NEGR1: variants seen among roughly 807,000 people sequenced by gnomAD.
NEGR1 encodes the protein IgLON family member 4.
Under a neutral mutation model 40.9 loss-of-function variants are expected in NEGR1, and 10 were observed. The observed-to-expected ratio is 0.24, with a 90% confidence interval of 0.15 to 0.42. The LOEUF (loss-of-function observed/expected upper bound fraction) is 0.42. Among genes scored for constraint, NEGR1 ranks in the 10% least tolerant of loss-of-function variants. The pLI is 1.00. For missense variants in NEGR1, 352 were observed against 438.9 expected (o/e 0.80, Z 1.77); for synonymous variants, 185 against 166.8 (o/e 1.11, Z -0.84).
At chr1:71,678,572 T>C (rs1189661373) in intron 4 of NEGR1, among the ~76,000 whole-genome samples, 1 of 152,144 alleles carries the variant, frequency 6.6e-6, no homozygotes, top group African/African-American at 2.4e-5. Context: ...CTAGTTTAAA[T>C]GGCTACACCA....
chr1:71,670,169 C>T (rs1442338275), intron 4 of NEGR1, among the ~76,000 whole-genome samples: 1 of 152,078 alleles, frequency 6.6e-6, no homozygotes, highest in Non-Finnish European at 1.5e-5. Context: ...TTTGCTTTAT[C>T]AGAGAGTATT....
intron 2 of NEGR1, among the ~76,000 whole-genome samples, chr1:71,884,407 C>T (rs1276520408): frequency 6.6e-6 from 1 of 152,154 alleles, no homozygotes; most frequent in Non-Finnish European, 1.5e-5. Context: ...TATCACTGTA[C>T]ATGTAGATCA....
Position 71,403,681 on chromosome 1 carries a change from T to A in NEGR1, c.*3765A>T. On this transcript the variant is annotated 3_prime_UTR_variant, in exon 7 of 7. Transcript: ENST00000357731. ...TAGCAGAAATATCTTCAAATTATTATTTCTTCCTTCTTTCTCTTAAGCTAA... is the reference window on the plus strand; with the variant it reads ...TAGCAGAAATATCTTCAAATTATTAATTCTTCCTTCTTTCTCTTAAGCTAA... The A allele has an allele frequency of 3.0e-6, 1 of 329,500 alleles. No homozygotes were observed. The highest frequency in any genetic ancestry group is 5.6e-6 in the Non-Finnish European group (1 of 179,476). The allele number at this position is 329,500 out of a possible 1,614,324, so 20.4% of individuals were successfully genotyped here. A position where few individuals can be genotyped will look rare whatever the true frequency, so the allele number is the denominator to read the frequency against.
chr1:72,276,797 G>A (rs906377628), intron 1 of NEGR1, among the ~76,000 whole-genome samples: 4 of 152,128 alleles, frequency 2.6e-5, no homozygotes, highest in South Asian at 2.1e-4. Context: ...CATCTATCAA[G>A]GTTCTACAAA....
chr1:72,241,495 A>G (rs1057317404), intron 1 of NEGR1, among the ~76,000 whole-genome samples: 2 of 151,630 alleles, frequency 1.3e-5, no homozygotes, highest in Admixed American at 1.3e-4. Flanking sequence ...AGAAAATGGT[A>G]ATGTTAGTAC....
chr1:71,613,513 G>C (rs566538019), intron 4 of NEGR1, among the ~76,000 whole-genome samples: 1 of 152,124 alleles, frequency 6.6e-6, no homozygotes, highest in Admixed American at 6.5e-5. Context: ...CAGGCATAGT[G>C]GTGGGCACCT....
chr1:71,625,216 A>C (rs1237116310), intron 4 of NEGR1, among the ~76,000 whole-genome samples: 1 of 151,840 alleles, frequency 6.6e-6, no homozygotes, highest in Non-Finnish European at 1.5e-5. Flanking sequence ...GTCTGCATTT[A>C]TATTGCTTTC....
chr1:71,442,547 G>A (rs1439578561), intron 6 of NEGR1, among the ~76,000 whole-genome samples: 1 of 152,166 alleles, frequency 6.6e-6, no homozygotes, highest in Non-Finnish European at 1.5e-5. Flanking sequence ...CTGGATGGCG[G>A]AAATTGCAGT....
At chr1:71,934,139 T>A (rs1172787064) in intron 2 of NEGR1, among the ~76,000 whole-genome samples, 2 of 152,088 alleles carry the variant, frequency 1.3e-5, no homozygotes, top group African/African-American at 4.8e-5. Flanking sequence ...ATAAGGCAAC[T>A]TCAGTTTTAG....
At chr1:71,963,388 C>T (rs988311145) in intron 1 of NEGR1, among the ~76,000 whole-genome samples, 7 of 152,108 alleles carry the variant, frequency 4.6e-5, no homozygotes, top group Non-Finnish European at 7.4e-5. Context: ...TTACTATTCA[C>T]GTCTTTTAGG....
rs115618829 is a variant in NEGR1 at position 72,234,966 on chromosome 1, T to C, written c.176+47353A>G. Among the ~76,000 whole-genome samples, 1,278 of 152,208 alleles carry C rather than the reference T, an allele frequency of 8.4e-3. 19 individuals are homozygous for C. Among genetic ancestry groups the C allele is most frequent in the African/African-American group, 0.029 (1,216 of 41,530 alleles). ...AGTCTATTATGAAGACACATGTATG[T>C]GTATGTTCACTGCAACACTATTTAA... On this transcript the variant is annotated intron_variant, in intron 1 of 6. Transcript: ENST00000357731.
In NEGR1 at chr1:71,592,803, ATTGCATTACTTACGG is replaced by A; in HGVS notation, c.939_940+13del. 6.2e-7 allele frequency: 1 copy of A among 1,602,182 alleles called. No homozygotes were observed. The highest frequency in any genetic ancestry group is 8.5e-7 in the Non-Finnish European group (1 of 1,171,038). On this transcript the variant is annotated splice_donor_variant and splice_donor_5th_base_variant and coding_sequence_variant and intron_variant, in exon 6 of 7. Transcript: ENST00000357731. LOFTEE classifies it high-confidence loss of function. ...AGGCCCCTGGAAGCATTTTGGTACC[ATTGCATTACTTACGG>A]TTAAGAGGCAGGCTCGCATTGGTTG...
chr1:71,528,764 G>T (rs1364919435), intron 6 of NEGR1, among the ~76,000 whole-genome samples: 1 of 151,136 alleles, frequency 6.6e-6, no homozygotes, highest in Non-Finnish European at 1.5e-5. Context: ...TATTGGTTTG[G>T]CTGTATGCTT....
chr1:71,953,809 T>A (rs1412752855), intron 1 of NEGR1, among the ~76,000 whole-genome samples: 1 of 151,718 alleles, frequency 6.6e-6, no homozygotes, highest in East Asian at 1.9e-4. Flanking sequence ...TAAGAAAGTG[T>A]TTTATAATAA....
chr1:71,726,278 AAG>A (rs1654672538), intron 3 of NEGR1, among the ~76,000 whole-genome samples: 1 of 152,094 alleles, frequency 6.6e-6, no homozygotes, highest in Non-Finnish European at 1.5e-5. Flanking sequence ...GAGTAAGAAA[AAG>A]AGAAATTCTG....
At chr1:72,042,413 T>C (rs750498046) in intron 1 of NEGR1, among the ~76,000 whole-genome samples, 1 of 151,844 alleles carries the variant, frequency 6.6e-6, no homozygotes, top group Non-Finnish European at 1.5e-5. Context: ...AGAGAGTGCA[T>C]TTCCTGCATA....
intron 2 of NEGR1, among the ~76,000 whole-genome samples, chr1:71,780,773 C>G (rs1168476960): frequency 6.6e-6 from 1 of 152,158 alleles, no homozygotes; most frequent in Non-Finnish European, 1.5e-5. Flanking sequence ...TTAGATGTAT[C>G]TACATATTTA....
intron 6 of NEGR1, among the ~76,000 whole-genome samples, chr1:71,430,953 G>T (rs1204035307): frequency 1.3e-5 from 2 of 151,802 alleles, no homozygotes; most frequent in African/African-American, 2.4e-5. Context: ...TAGAGACAGG[G>T]TTTCACCGTG....
chr1:71,491,729 T>C (rs1181333021), intron 6 of NEGR1, among the ~76,000 whole-genome samples: 1 of 152,054 alleles, frequency 6.6e-6, no homozygotes, highest in Non-Finnish European at 1.5e-5. Context: ...TGTTCTTTCA[T>C]TCCCAAAGGG....
Sources: allele counts gnomAD v4.1 joint callset (sites outside exome capture counted in the v4.1 genomes callset), GRCh38; gene constraint gnomAD v4.1.1; transcripts MANE v1.5; gene names NCBI Gene and HGNC (gene_info 2026-07-23, HGNC 2026-07-21).